CNTNAP2: variants seen among roughly 807,000 people sequenced by gnomAD.
CNTNAP2 encodes contactin associated protein 2.
A neutral mutation model predicts 155.2 loss-of-function variants in CNTNAP2; 98 were observed. The observed-to-expected ratio is 0.63, with a 90% CI of 0.54 to 0.75. The LOEUF is 0.75. CNTNAP2 is among the 30% of genes least tolerant of loss of function. The probability of loss-of-function intolerance (pLI) is 0.00; values close to 1 mark genes in which losing one functional copy is unlikely to be tolerated. For synonymous variants in CNTNAP2, 651 were observed against 631.2 expected (o/e 1.03, Z -0.47); for missense variants, 1,727 against 1,688.1 (o/e 1.02, Z -0.40).
chr7:147,229,953 G>A (rs761287284), intron 8 of CNTNAP2, among the ~76,000 whole-genome samples: 2 of 151,902 alleles, frequency 1.3e-5, no homozygotes, highest in Non-Finnish European at 2.9e-5. Context: ...ATAGTGAGGG[G>A]GACATAGTTG....
At chr7:147,973,873 C>A (rs12531768) in intron 14 of CNTNAP2, among the ~76,000 whole-genome samples, 19,628 of 152,022 alleles carry the variant, frequency 0.13, 2,005 homozygotes, top group African/African-American at 0.29. Flanking sequence ...TTCTTCTCAT[C>A]AGTAAAATGA....
intron 1 of CNTNAP2, among the ~76,000 whole-genome samples, chr7:146,411,519 AT>A (rs1365800606): frequency 2.0e-5 from 3 of 152,158 alleles, no homozygotes; most frequent in Admixed American, 2.0e-4. Context: ...GGTAATGTTA[AT>A]TAACATTTGT....
intron 15 of CNTNAP2, among the ~76,000 whole-genome samples, chr7:147,990,931 G>A (rs1000854597): frequency 1.2e-4 from 18 of 152,094 alleles, no homozygotes; most frequent in African/African-American, 4.3e-4. Flanking sequence ...ATATCAGGAA[G>A]CTCAAAGCCT....
chr7:147,639,158 G>C lies in CNTNAP2; in HGVS notation c.1950G>C (p.Val650=), dbSNP rs1213506293. 6.2e-7 allele frequency: 1 copy of C among 1,614,126 alleles called. No homozygotes were observed. Among genetic ancestry groups the C allele is most frequent in the Non-Finnish European group, 8.5e-7 (1 of 1,180,006 alleles). ...VSHDLQMQTP[V]VGYNPEKYSV... ...ATGACTTGCAGATGCAGACGCCTGT[G>C]GTCGGCTACAACCCAGAAAAATACT... The change falls in exon 13 of 24, where the codon GTG becomes GTC. Residue 650 remains valine (V), a synonymous_variant. Coordinates refer to ENST00000361727, the MANE Select transcript of CNTNAP2 (RefSeq NM_014141.6).
chr7:146,404,661 T>G (rs1360630642), intron 1 of CNTNAP2, among the ~76,000 whole-genome samples: 1 of 152,162 alleles, frequency 6.6e-6, no homozygotes, highest in Non-Finnish European at 1.5e-5. Context: ...ATCTGGAACC[T>G]GAACGCCTGT....
At chr7:147,919,498 T>A (rs28750309) in intron 14 of CNTNAP2, among the ~76,000 whole-genome samples, 3 of 59,848 alleles carry the variant, frequency 5.0e-5, no homozygotes, top group Non-Finnish European at 7.1e-5. Context: ...TTGCTCTGTC[T>A]CCCAGGCTGG....
intron 1 of CNTNAP2, among the ~76,000 whole-genome samples, chr7:146,207,137 C>A (rs535999975): frequency 1.3e-5 from 2 of 152,012 alleles, no homozygotes; most frequent in East Asian, 3.9e-4. Flanking sequence ...CCTCCCTTTT[C>A]CAGTGGAGCC....
chr7:148,288,335 G>A (rs943186411), intron 21 of CNTNAP2, among the ~76,000 whole-genome samples: 14 of 151,822 alleles, frequency 9.2e-5, no homozygotes, highest in African/African-American at 2.2e-4. Context: ...TCCTGACTTC[G>A]TGATCTGCCC....
intron 13 of CNTNAP2, among the ~76,000 whole-genome samples, chr7:147,822,883 T>C (rs1379034745): frequency 6.6e-6 from 1 of 152,210 alleles, no homozygotes; most frequent in African/African-American, 2.4e-5. Flanking sequence ...TATTATAATT[T>C]GTATTACTCT....
At chr7:148,327,903 A>G (rs1015807202) in intron 21 of CNTNAP2, among the ~76,000 whole-genome samples, 3 of 151,670 alleles carry the variant, frequency 2.0e-5, no homozygotes, top group Non-Finnish European at 1.5e-5. Flanking sequence ...ATCCACTCAC[A>G]TGGATCTTCT....
At chr7:147,767,504 T>C (rs1320389765) in intron 13 of CNTNAP2, among the ~76,000 whole-genome samples, 1 of 152,118 alleles carries the variant, frequency 6.6e-6, no homozygotes, top group Non-Finnish European at 1.5e-5. Context: ...GTGTAATCAT[T>C]TGCAAATATA....
chr7:147,027,177 C>T lies in CNTNAP2; in HGVS notation c.403-16730C>T, dbSNP rs115914603. Among the ~76,000 whole-genome samples, 186 of 152,188 alleles carry T rather than the reference C, an allele frequency of 1.2e-3. 1 individual carries two copies. Among genetic ancestry groups the T allele is most frequent in the African/African-American group, 4.2e-3 (176 of 41,522 alleles). On this transcript the variant is annotated intron_variant, in intron 3 of 23. Coordinates refer to ENST00000361727, the MANE Select transcript of CNTNAP2 (RefSeq NM_014141.6). ...GTTCAGAAGTTAAAGTTGTGGCCAT[C>T]TATTTAAAGTTTTATATTATTCAGC...
chr7:146,721,569 T>C (rs1454534956), intron 1 of CNTNAP2, among the ~76,000 whole-genome samples: 37 of 115,218 alleles, frequency 3.2e-4, no homozygotes, highest in South Asian at 7.4e-4. Context: ...ATTCTATATA[T>C]ATTCTATATA....
Position 147,825,143 on chromosome 7 carries a change from C to A in CNTNAP2, c.2099-78422C>A, listed in dbSNP as rs576595068. 4.3e-4 allele frequency among the ~76,000 whole-genome samples: 66 copies of A among 152,242 alleles called. 2 individuals are homozygous for A. The South Asian group carries it at 0.012, about 27-fold the overall frequency. Reference sequence around the variant, plus strand: ...ATTCAATAGTTATAGTTACTTTCATCCTTTGAAACAAAAATAATTCTTGTT... The same window carrying A: ...ATTCAATAGTTATAGTTACTTTCATACTTTGAAACAAAAATAATTCTTGTT... On this transcript the variant is annotated intron_variant, in intron 13 of 23. Coordinates refer to ENST00000361727, the MANE Select transcript of CNTNAP2 (RefSeq NM_014141.6).
intron 15 of CNTNAP2, among the ~76,000 whole-genome samples, chr7:147,993,082 T>C (rs1801743862): frequency 6.6e-6 from 1 of 152,210 alleles, no homozygotes; most frequent in African/African-American, 2.4e-5. Context: ...GAGATGATAA[T>C]GTAACCAGTT....
chr7:147,314,375 C>G (rs1461541814), intron 9 of CNTNAP2, among the ~76,000 whole-genome samples: 1 of 152,110 alleles, frequency 6.6e-6, no homozygotes, highest in Non-Finnish European at 1.5e-5. Flanking sequence ...ATCCCCAAGC[C>G]TCTCTGACAT....
At chr7:147,373,303 T>G (rs1796379767) in intron 9 of CNTNAP2, among the ~76,000 whole-genome samples, 1 of 152,064 alleles carries the variant, frequency 6.6e-6, no homozygotes, top group South Asian at 2.1e-4. Context: ...GTGGCTGACG[T>G]GGTTTCGGTG....
At chr7:146,759,720 G>A (rs1286376012) in intron 1 of CNTNAP2, among the ~76,000 whole-genome samples, 1 of 145,704 alleles carries the variant, frequency 6.9e-6, no homozygotes, top group South Asian at 2.1e-4. Context: ...AAGGTGGGTG[G>A]GGTGGGGTGG....
At chr7:146,712,410 C>T (rs1012869877) in intron 1 of CNTNAP2, among the ~76,000 whole-genome samples, 2 of 127,838 alleles carry the variant, frequency 1.6e-5, no homozygotes, top group African/African-American at 5.8e-5. Context: ...AAATAAAAAA[C>T]AGGAAATTGC....
Sources: allele counts gnomAD v4.1 joint callset (sites outside exome capture counted in the v4.1 genomes callset), GRCh38; gene constraint gnomAD v4.1.1; transcripts MANE v1.5; gene names NCBI Gene and HGNC (gene_info 2026-07-23, HGNC 2026-07-21).